Variants in BACE2 observed in about 807,000 individuals in gnomAD.
The protein encoded by BACE2 is 56 kDa aspartic-like protease.
In BACE2, 17 loss-of-function variants were observed where a neutral mutation model predicts 46.2. That is an observed-to-expected ratio of 0.37 (90% confidence interval 0.25 to 0.55). BACE2 has a LOEUF of 0.55. Among genes scored for constraint, BACE2 ranks in the 20% least tolerant of loss-of-function variants. The pLI, the probability that BACE2 is intolerant of heterozygous loss-of-function variation, is 0.82. For missense variants in BACE2, 595 were observed against 698.1 expected, an observed-to-expected ratio of 0.85 and a Z score of 1.66; for synonymous variants, 277 against 295.9, an observed-to-expected ratio of 0.94 and a Z score of 0.66.
At chr21:41,224,209 A>ATTTTTTTTTTTTTTTTTTT (rs10658440) in intron 1 of BACE2, among the ~76,000 whole-genome samples, 1 of 98,906 alleles carries the variant, frequency 1.0e-5, no homozygotes, top group African/African-American at 4.5e-5. Context: ...GCCTATTTTG[A>ATTTTTTTTTTTTTTTTTTT]TTTTTTTTTT....
At chr21:41,249,861 C>A (rs980292935) in intron 6 of BACE2, among the ~76,000 whole-genome samples, 4 of 152,212 alleles carry the variant, frequency 2.6e-5, no homozygotes, top group African/African-American at 9.7e-5. Context: ...CGTTAACTTG[C>A]CATCTCAGCA....
chr21:41,248,753 G>T (rs9981553), intron 6 of BACE2, among the ~76,000 whole-genome samples: 54,651 of 152,146 alleles, frequency 0.36, 11,735 homozygotes, highest in East Asian at 0.71. Flanking sequence ...AGTGCGCGTG[G>T]TTACGTGGCA....
chr21:41,189,233 C>G (rs1985483262), intron 1 of BACE2, among the ~76,000 whole-genome samples: 1 of 151,206 alleles, frequency 6.6e-6, no homozygotes, highest in South Asian at 2.1e-4. Flanking sequence ...TGAATCTTTT[C>G]AGTCTAGAAA....
intron 7 of BACE2, among the ~76,000 whole-genome samples, chr21:41,251,820 A>G (rs1987649747): frequency 6.6e-6 from 1 of 152,094 alleles, no homozygotes; most frequent in Admixed American, 6.5e-5. Flanking sequence ...CAAAAAACAA[A>G]AAAGAAAAGA....
Position 41,257,196 on chromosome 21 carries a change from T to C in BACE2, c.1173T>C (p.Tyr391=). 6.2e-7 allele frequency: 1 copy of C among 1,614,222 alleles called. No individual in the cohort carries two copies. The change falls in exon 8 of 9, where the codon TAT becomes TAC. Residue 391 remains tyrosine (Y), a synonymous_variant. Transcript: ENST00000330333. ...IQPMMGAGLN[Y]ECYRFGISPS... is the part of the protein sequence containing the mutation. ...CCATGATGGGGGCCGGCCTGAATTA[T>C]GAATGTTACCGATTCGGCATTTCCC...
Position 41,237,693 on chromosome 21 carries a change from T to C in BACE2, c.582T>C (p.Asn194=). 1.2e-6 allele frequency: 2 copies of C among 1,614,174 alleles called. No individual in the cohort carries two copies. Among genetic ancestry groups the C allele is most frequent in the Non-Finnish European group, 1.7e-6 (2 of 1,179,998 alleles). The change falls in exon 3 of 9, where the codon AAT becomes AAC. Residue 194 remains asparagine (N), a synonymous_variant. Transcript: ENST00000330333. Reference sequence around the variant, plus strand: ...TCTTTTTGCCTGGGATTAAATGGAATGGAATACTTGGCCTAGCTTATGCCA... The same window carrying C: ...TCTTTTTGCCTGGGATTAAATGGAACGGAATACTTGGCCTAGCTTATGCCA... ...ENFFLPGIKW[N]GILGLAYATL... is the part of the protein sequence containing the mutation.
At chr21:41,192,140 G>A (rs186645789) in intron 1 of BACE2, among the ~76,000 whole-genome samples, 160 of 152,286 alleles carry the variant, frequency 1.1e-3, no homozygotes, top group African/African-American at 3.7e-3. Flanking sequence ...CCCTAGAAAG[G>A]GGCTGTAGTG....
chr21:41,221,932 G>A (rs1377593486), intron 1 of BACE2, among the ~76,000 whole-genome samples: 2 of 152,156 alleles, frequency 1.3e-5, no homozygotes, highest in Non-Finnish European at 2.9e-5. Context: ...ATCCCTGTCA[G>A]AGGGAGGCTT....
intron 7 of BACE2, among the ~76,000 whole-genome samples, chr21:41,252,709 A>G (rs1426792690): frequency 6.6e-6 from 1 of 152,230 alleles, no homozygotes; most frequent in Non-Finnish European, 1.5e-5. Flanking sequence ...GGACACATCA[A>G]TATGTCTTTG....
At chr21:41,179,500 G>A in intron 1 of BACE2, 1 of 1,347,460 alleles carries the variant, frequency 7.4e-7, no homozygotes, top group Non-Finnish European at 9.9e-7. Context: ...AGGAGTGACG[G>A]TGTCTGGGGT....
At chr21:41,203,332 G>T (rs1986019618) in intron 1 of BACE2, among the ~76,000 whole-genome samples, 1 of 152,112 alleles carries the variant, frequency 6.6e-6, no homozygotes, top group Non-Finnish European at 1.5e-5. Flanking sequence ...AAAAGGAGGG[G>T]TGGGAGAGCA....
At chr21:41,169,082 T>TA (rs1344366833) in intron 1 of BACE2, among the ~76,000 whole-genome samples, 4 of 146,378 alleles carry the variant, frequency 2.7e-5, no homozygotes, top group Non-Finnish European at 6.0e-5. Context: ...TAAAAAGGAT[T>TA]TATGCATGAG....
chr21:41,194,302 C>T (rs1985670232), intron 1 of BACE2, among the ~76,000 whole-genome samples: 2 of 152,128 alleles, frequency 1.3e-5, no homozygotes, highest in African/African-American at 4.8e-5. Context: ...GGTAGCTGTG[C>T]CCACCTGACC....
At chr21:41,201,531 T>C (rs1182271706) in intron 1 of BACE2, among the ~76,000 whole-genome samples, 3 of 152,250 alleles carry the variant, frequency 2.0e-5, no homozygotes, top group Non-Finnish European at 2.9e-5. Flanking sequence ...GCTGTGACTC[T>C]TACTGTCTCG....
rs565675037 is a variant in BACE2 at position 41,193,132 on chromosome 21, G to A, written c.312+24557G>A. Among the ~76,000 whole-genome samples the A allele has an allele frequency of 1.3e-5, 2 of 152,286 alleles. No individual in the cohort carries two copies. Among genetic ancestry groups the A allele is most frequent in the South Asian group, 2.1e-4 (1 of 4,822 alleles). On this transcript the variant is annotated intron_variant, in intron 1 of 8. Transcript: ENST00000330333. This position sits in a 1 kb window ranked among gnomAD's most constrained non-coding sequence, Gnocchi z 4.2. ...GTGTGATATCTCGTGGAAACGAAAAGCGATCAAGGTCTCTCCAAATAAGAT... is the reference window on the plus strand; with the variant it reads ...GTGTGATATCTCGTGGAAACGAAAAACGATCAAGGTCTCTCCAAATAAGAT...
chr21:41,222,599 A>G lies in BACE2; in HGVS notation c.313-3667A>G, dbSNP rs190834871. Among the ~76,000 whole-genome samples, 123 of 152,346 alleles carry G rather than the reference A, an allele frequency of 8.1e-4. 1 individual carries two copies. In the Middle Eastern group the frequency reaches 0.024, roughly 29 times the overall value. On this transcript the variant is annotated intron_variant, in intron 1 of 8. Transcript: ENST00000330333. The stretch of plus-strand genomic sequence containing the variant: ...CAGCAGGCCATGTGAGGACTTCGCC[A>G]GTTACTCTGGGTGACGTGAGAGCCA...
intron 1 of BACE2, among the ~76,000 whole-genome samples, chr21:41,196,416 C>T (rs1358846130): frequency 6.6e-6 from 1 of 151,970 alleles, no homozygotes; most frequent in African/African-American, 2.4e-5. Context: ...GGCTATTCAC[C>T]GTGGCACGAC....
At chr21:41,253,421 G>A (rs191133513) in intron 7 of BACE2, among the ~76,000 whole-genome samples, 33 of 140,730 alleles carry the variant, frequency 2.3e-4, no homozygotes, top group East Asian at 1.1e-3. Context: ...CAGCCTGGAC[G>A]ACAGTGTGAG....
chr21:41,241,988 T>G, intron 4 of BACE2, 41 bp downstream of exon 4: 1 of 1,607,934 alleles, frequency 6.2e-7, no homozygotes, highest in Non-Finnish European at 8.5e-7. Flanking sequence ...AAATCACAGA[T>G]GGATGGGCTG....
Sources: allele counts gnomAD v4.1 joint callset (sites outside exome capture counted in the v4.1 genomes callset), GRCh38; gene constraint gnomAD v4.1.1; non-coding constraint Gnocchi (gnomAD v3.1); transcripts MANE v1.5; gene names NCBI Gene and HGNC (gene_info 2026-07-23, HGNC 2026-07-21).